JOSD2: variants seen among roughly 807,000 people sequenced by gnomAD.
JOSD2 encodes the protein josephin-2.
In JOSD2, 20 loss-of-function variants were observed where a neutral mutation model predicts 19.3. That is an observed-to-expected ratio of 1.04 (90% CI 0.73 to 1.51). JOSD2 has a LOEUF of 1.51. Among genes scored for constraint, JOSD2 ranks in the 40% most tolerant of loss-of-function variants. The pLI is 0.00. For synonymous variants in JOSD2, 118 were observed against 123.7 expected (o/e 0.95, Z 0.31); for missense variants, 215 against 250.4 (o/e 0.86, Z 0.95).
In JOSD2 at chr19:50,506,515, C is replaced by T. The variant is rs765013946; in HGVS notation, c.330G>A (p.Ser110=). ...GTGACAGCAGCCCCAGCGACACGGGCGAGGGCAGGTTCAGGATCAGCCCCA... is the reference window on the plus strand; with the variant it reads ...GTGACAGCAGCCCCAGCGACACGGGTGAGGGCAGGTTCAGGATCAGCCCCA... ...QVLGLILNLP[S]PVSLGLLSLP... The change falls in exon 4 of 5, where the codon TCG becomes TCA. Residue 110 remains serine (S), a synonymous_variant. Coordinates refer to ENST00000598418, the MANE Select transcript of JOSD2 (RefSeq NM_001270639.2). 39 of 1,553,668 alleles carry T rather than the reference C, an allele frequency of 2.5e-5. No homozygotes were observed. Among genetic ancestry groups the T allele is most frequent in the South Asian group, 2.5e-4 (21 of 84,406 alleles).
intron 2 of JOSD2, among the ~76,000 whole-genome samples, chr19:50,509,838 G>C (rs1353612403): frequency 1.3e-5 from 2 of 151,824 alleles, no homozygotes; most frequent in African/African-American, 4.8e-5. Context: ...TGGATCACGA[G>C]GTCAGGAGAT....
At chr19:50,507,842 C>G in intron 2 of JOSD2, 143 bp from the exon 3 acceptor site, 1 of 1,001,138 alleles carries the variant, frequency 1.0e-6, no homozygotes, top group Non-Finnish European at 1.4e-6. Flanking sequence ...CCAAGTCCTG[C>G]CTCTCCTGCC....
chr19:50,507,198 C>G (rs1979422085), intron 3 of JOSD2, among the ~76,000 whole-genome samples: 1 of 148,682 alleles, frequency 6.7e-6, no homozygotes, highest in East Asian at 2.0e-4. Context: ...CTCTTGACCC[C>G]CCTGCCATTG....
intron 3 of JOSD2, 107 bp downstream of exon 3, chr19:50,507,467 T>A: frequency 6.9e-7 from 1 of 1,457,462 alleles, no homozygotes; most frequent in Non-Finnish European, 9.1e-7. Flanking sequence ...CCCACATTCA[T>A]GCCAACCTCC....
At chr19:50,508,276 A>G (rs1323608238) in intron 2 of JOSD2, among the ~76,000 whole-genome samples, 1 of 152,186 alleles carries the variant, frequency 6.6e-6, no homozygotes, top group Non-Finnish European at 1.5e-5. Flanking sequence ...TCCAGGCTGG[A>G]TCGGGGCCCT....
intron 2 of JOSD2, among the ~76,000 whole-genome samples, chr19:50,508,728 T>C: frequency 6.6e-6 from 1 of 151,762 alleles, no homozygotes; most frequent in Non-Finnish European, 1.5e-5. Flanking sequence ...TGTGTGTGTG[T>C]GTGTGTGTGT....
chr19:50,510,431 TGCCG>T lies in JOSD2; in HGVS notation c.-4_-1del, dbSNP rs1468807825. ...GGCTGTGCTCCCGGGGCCTGGGACA[TGCCG>T]TCCTCGGCTCCTGCTGGGGGTTGGG... On this transcript the variant is annotated 5_prime_UTR_variant, in exon 2 of 5. Coordinates refer to ENST00000598418, the MANE Select transcript of JOSD2 (RefSeq NM_001270639.2). The T allele has an allele frequency of 6.2e-7, 1 of 1,605,562 alleles. No individual in the cohort carries two copies. The highest frequency in any genetic ancestry group is 8.5e-7 in the Non-Finnish European group (1 of 1,175,644).
chr19:50,506,513 G>A lies in JOSD2; in HGVS notation c.332C>T (p.Pro111Leu). 6.4e-7 allele frequency: 1 copy of A among 1,553,890 alleles called. No homozygotes were observed. The highest frequency in any genetic ancestry group is 1.2e-5 in the South Asian group (1 of 84,420). Residue 111 changes from proline to leucine, a missense_variant, in exon 4 of 5, where the codon CCC becomes CTC. Coordinates refer to ENST00000598418, the MANE Select transcript of JOSD2 (RefSeq NM_001270639.2). ...CAGTGACAGCAGCCCCAGCGACACG[G>A]GCGAGGGCAGGTTCAGGATCAGCCC... ...VLGLILNLPS[P>L]VSLGLLSLPL...
rs902470492 is a variant in JOSD2 at position 50,511,174 on chromosome 19, C to T, written c.-75G>A. On this transcript the variant is annotated 5_prime_UTR_variant, in exon 1 of 5. Transcript: ENST00000598418. The stretch of plus-strand genomic sequence containing the variant: ...GTTTCCGCATCCCCTTCCTGGGCGG[C>T]GGCTCTGGGCTCCGAGTGCGGGGCG... The T allele has an allele frequency of 5.2e-5, 23 of 443,206 alleles. No individual in the cohort carries two copies. The highest frequency in any genetic ancestry group is 2.7e-4 in the African/African-American group (13 of 48,696). The allele number at this position is 443,206 out of a possible 1,614,324, so 27.5% of individuals were successfully genotyped here. A position where few individuals can be genotyped will look rare whatever the true frequency, so the allele number is the denominator to read the frequency against.
intron 2 of JOSD2, 121 bp downstream of exon 2, chr19:50,510,165 G>A: frequency 1.6e-6 from 2 of 1,215,792 alleles, no homozygotes; most frequent in Non-Finnish European, 2.3e-6. Flanking sequence ...GTCTAGCTTA[G>A]GCAAGTGAGC....
chr19:50,508,645 A>G lies in JOSD2; in HGVS notation c.147-946T>C, dbSNP rs534724392. ...CTGGGCCCTGCCTCTGAACAGCTGC[A>G]CCTCTGTTCCCTATCTGGACCCTGG... is the stretch of plus-strand genomic sequence containing the variant. On this transcript the variant is annotated intron_variant, in intron 2 of 4. Transcript: ENST00000598418. Among the ~76,000 whole-genome samples, 4 of 147,530 alleles carry G rather than the reference A, an allele frequency of 2.7e-5. No individual in the cohort carries two copies. In the South Asian group the frequency reaches 8.5e-4, roughly 32 times the overall value.
intron 3 of JOSD2, 48 bp from the exon 4 acceptor site, chr19:50,506,620 C>A: frequency 1.4e-6 from 2 of 1,449,956 alleles, no homozygotes; most frequent in Non-Finnish European, 1.8e-6. Context: ...GCTCCGCCCG[C>A]CGGTGAAATG....
At chr19:50,510,771 C>T (rs1333400644) in intron 1 of JOSD2, among the ~76,000 whole-genome samples, 2 of 152,016 alleles carry the variant, frequency 1.3e-5, no homozygotes, top group Non-Finnish European at 2.9e-5. Context: ...GTAACCAGGG[C>T]GCTCTGTGGT....
At chr19:50,508,551 A>AC (rs1979525935) in intron 2 of JOSD2, among the ~76,000 whole-genome samples, 6 of 25,006 alleles carry the variant, frequency 2.4e-4, no homozygotes, top group Admixed American at 2.4e-3. Flanking sequence ...CTCCCGCCCC[A>AC]CCCCCGCCAA....
rs1210657203 is a variant in JOSD2, at chr19:50,506,203, C to T, written c.537G>A (p.Glu179=). The T allele has an allele frequency of 6.2e-7, 1 of 1,612,756 alleles. No homozygotes were observed. Among genetic ancestry groups the T allele is most frequent in the Non-Finnish European group, 8.5e-7 (1 of 1,179,874 alleles). ...CTGTCCGCAGCCAGCTGCCCTTCTC[C>T]TCCACCTCCTTGGTCACTACCAGCA... ...EVLLVVTKEV[E]EKGSWLRTD The change falls in exon 5 of 5, where the codon GAG becomes GAA. Residue 179 remains glutamate, a synonymous_variant. Transcript: ENST00000598418.
At chr19:50,510,262 G>T in intron 2 of JOSD2, 24 bp downstream of exon 2, 1 of 1,613,076 alleles carries the variant, frequency 6.2e-7, no homozygotes, top group South Asian at 1.1e-5. Flanking sequence ...TGCTGCTCCA[G>T]GGGCTGGGGT....
rs1277770809 is a variant in JOSD2, at chr19:50,506,272, C to A, written c.468G>T (p.Arg156Ser). Residue 156 changes from arginine to serine, a missense_variant and splice_region_variant, in exon 5 of 5, where the codon AGG becomes AGT. Coordinates refer to ENST00000598418, the MANE Select transcript of JOSD2 (RefSeq NM_001270639.2). ...PEALGDEDGV[R>S]AFLAAALAQG... ...GGGCCAGCGCAGCCGCCAGGAAGGC[C>A]CTGGGTGGGAGAAATGGGGAGACTG... 3 of 1,612,510 alleles carry A rather than the reference C, an allele frequency of 1.9e-6. No individual in the cohort carries two copies. The highest frequency in any genetic ancestry group is 4.5e-5 in the East Asian group (2 of 44,868).
intron 2 of JOSD2, chr19:50,510,058 A>AAAAAAAAAG (rs1190924198): frequency 2.2e-6 from 1 of 446,288 alleles, no homozygotes; most frequent in East Asian, 4.3e-5. Context: ...TCTCAAAAAA[A>AAAAAAAAAG]AAAAAAAAAG....
chr19:50,509,413 G>A (rs1020379732), intron 2 of JOSD2, among the ~76,000 whole-genome samples: 1 of 152,046 alleles, frequency 6.6e-6, no homozygotes, highest in Non-Finnish European at 1.5e-5. Flanking sequence ...GTTGGACATT[G>A]TGAATAGTGA....
Sources: gnomAD v4.1 joint callset for allele counts (sites outside exome capture counted in the v4.1 genomes callset) on GRCh38, gnomAD v4.1.1 for gene constraint, MANE v1.5 for transcripts, NCBI Gene and HGNC (gene_info 2026-07-23, HGNC 2026-07-21) for gene names.